Variants in TDRD3 observed in about 807,000 individuals in gnomAD.
TDRD3 encodes the protein tudor domain containing 3.
Under a neutral mutation model 86.7 loss-of-function variants are expected in TDRD3, and 45 were observed. That is an observed-to-expected ratio of 0.52 (90% CI 0.41 to 0.67). TDRD3 has a LOEUF of 0.67. TDRD3 is among the 30% of genes least tolerant of loss of function. The pLI, the probability that TDRD3 is intolerant of heterozygous loss-of-function variation, is 0.00. For missense variants in TDRD3, 814 were observed against 889.0 expected (o/e 0.92, Z 1.07); for synonymous variants, 298 against 301.7 (o/e 0.99, Z 0.13).
intron 1 of TDRD3, among the ~76,000 whole-genome samples, chr13:60,407,948 T>C (rs1285676027): frequency 6.6e-6 from 1 of 152,226 alleles, no homozygotes; most frequent in Non-Finnish European, 1.5e-5. Flanking sequence ...ATTCTTGTGA[T>C]AGTGAATACG....
At chr13:60,509,958 G>T in intron 9 of TDRD3, 39 bp downstream of exon 9, 1 of 1,595,518 alleles carries the variant, frequency 6.3e-7, no homozygotes, top group Non-Finnish European at 8.5e-7. Context: ...AGTATTGTTT[G>T]CTTTTCAGAG....
chr13:60,428,741 G>C (rs1954876250), intron 1 of TDRD3, among the ~76,000 whole-genome samples: 1 of 152,182 alleles, frequency 6.6e-6, no homozygotes, highest in African/African-American at 2.4e-5. Flanking sequence ...GAAGACAGTG[G>C]TTCTGTCCAG....
chr13:60,459,839 A>G (rs1010576464), intron 3 of TDRD3, among the ~76,000 whole-genome samples: 2 of 152,070 alleles, frequency 1.3e-5, no homozygotes, highest in African/African-American at 2.4e-5. Flanking sequence ...CTGGCTGGTC[A>G]CAAGCTCCTG....
chr13:60,519,280 A>G (rs778002579), intron 10 of TDRD3, among the ~76,000 whole-genome samples: 4 of 152,196 alleles, frequency 2.6e-5, no homozygotes, highest in Non-Finnish European at 2.9e-5. Flanking sequence ...TTTGCATACT[A>G]TTAATTCATT....
At chr13:60,401,020 T>G (rs1594887970) in intron 1 of TDRD3, among the ~76,000 whole-genome samples, 1 of 152,184 alleles carries the variant, frequency 6.6e-6, no homozygotes, top group African/African-American at 2.4e-5. Flanking sequence ...TAAATTTACT[T>G]TCCTAGTCCA....
chr13:60,534,927 CAAAAAA>C (rs75394722), intron 11 of TDRD3, among the ~76,000 whole-genome samples, 175 bp from the exon 12 acceptor site: 1 of 54,728 alleles, frequency 1.8e-5, no homozygotes, highest in Non-Finnish European at 3.7e-5. Context: ...GACCCTGTCT[CAAAAAA>C]AAAAAAAAAA....
At chr13:60,410,017 A>G (rs540472114) in intron 1 of TDRD3, among the ~76,000 whole-genome samples, 1 of 152,248 alleles carries the variant, frequency 6.6e-6, no homozygotes, top group East Asian at 1.9e-4. Context: ...TGCTAGTCTC[A>G]TGATAGTGAA....
In TDRD3 at chr13:60,545,462, C is replaced by A. The variant is rs575992440; in HGVS notation, c.2118+10229C>A. Among the ~76,000 whole-genome samples the A allele has an allele frequency of 7.2e-5, 11 of 152,102 alleles. No individual in the cohort carries two copies. The South Asian group carries it at 2.3e-3, about 32-fold the overall frequency. On this transcript the variant is annotated intron_variant, in intron 12 of 13. Transcript: ENST00000377881. ...TTATTAAAGAGTTTATTATACAAAG[C>A]AAGATATTAGAAGTCAGTTTAATTT...
chr13:60,473,147 A>G (rs1956106828), intron 5 of TDRD3, among the ~76,000 whole-genome samples: 1 of 152,218 alleles, frequency 6.6e-6, no homozygotes, highest in Non-Finnish European at 1.5e-5. Context: ...TTCCTGCTGC[A>G]TCATAACATG....
chr13:60,507,752 A>G (rs993572242), intron 8 of TDRD3, among the ~76,000 whole-genome samples: 7 of 152,330 alleles, frequency 4.6e-5, no homozygotes, highest in Admixed American at 3.9e-4. Flanking sequence ...TATTCAACAT[A>G]GTATTGGATG....
intron 1 of TDRD3, among the ~76,000 whole-genome samples, chr13:60,431,659 T>G (rs565862641): frequency 7.9e-6 from 1 of 127,122 alleles, no homozygotes. Context: ...TTTTGCATAT[T>G]AATCCTTTCA....
In TDRD3 at chr13:60,529,230, T is replaced by A; in HGVS notation, c.1992+13T>A. 1 of 1,564,612 alleles carries A rather than the reference T, an allele frequency of 6.4e-7. No homozygotes were observed. Among genetic ancestry groups the A allele is most frequent in the Non-Finnish European group, 8.6e-7 (1 of 1,159,802 alleles). On this transcript the variant is annotated intron_variant, in intron 11 of 13. Transcript: ENST00000377881. ...GGAAGACAACAAGGTATGGATGCTT[T>A]AAAGATATTATACACTAATATTACG...
At chr13:60,567,890 ATTTT>A (rs58242240) in intron 13 of TDRD3, among the ~76,000 whole-genome samples, 7 of 132,912 alleles carry the variant, frequency 5.3e-5, no homozygotes, top group Non-Finnish European at 4.8e-5. Context: ...TGCCCAGCTG[ATTTT>A]TTTTTTTTTT....
intron 12 of TDRD3, among the ~76,000 whole-genome samples, chr13:60,539,114 T>C (rs1957759004): frequency 6.6e-6 from 1 of 152,146 alleles, no homozygotes; most frequent in South Asian, 2.1e-4. Flanking sequence ...TTCTGGAAGG[T>C]GATAGGCAAA....
intron 11 of TDRD3, among the ~76,000 whole-genome samples, chr13:60,532,741 AT>A (rs1426478785): frequency 1.3e-5 from 2 of 151,996 alleles, no homozygotes; most frequent in Non-Finnish European, 2.9e-5. Context: ...TAGTTCAGCT[AT>A]TTTTTTCGTC....
intron 12 of TDRD3, among the ~76,000 whole-genome samples, chr13:60,538,918 A>G (rs1468166507): frequency 6.6e-6 from 1 of 152,174 alleles, no homozygotes; most frequent in Non-Finnish European, 1.5e-5. Flanking sequence ...AGACTTTTAT[A>G]TCATAAGAAG....
intron 5 of TDRD3, 103 bp from the exon 6 acceptor site, chr13:60,483,672 T>C: frequency 9.8e-7 from 1 of 1,017,102 alleles, no homozygotes. Context: ...TTCCTATTTC[T>C]TATAAGAATC....
intron 7 of TDRD3, among the ~76,000 whole-genome samples, chr13:60,488,511 A>G (rs1032703152): frequency 9.9e-5 from 15 of 152,146 alleles, no homozygotes; most frequent in Admixed American, 2.0e-4. Flanking sequence ...GACCATTTGT[A>G]TGGTCTTTTG....
intron 12 of TDRD3, among the ~76,000 whole-genome samples, chr13:60,557,457 T>C (rs1958221199): frequency 6.6e-6 from 1 of 152,132 alleles, no homozygotes. Context: ...AGCCTGATAA[T>C]TGATAAAGGT....
Sources: allele counts gnomAD v4.1 joint callset (sites outside exome capture counted in the v4.1 genomes callset), GRCh38; gene constraint gnomAD v4.1.1; transcripts MANE v1.5; gene names NCBI Gene and HGNC (gene_info 2026-07-23, HGNC 2026-07-21).